CLCN3: variants seen among roughly 807,000 people sequenced by gnomAD.
CLCN3 encodes Cl-/H+ antiporter 3, also known as H(+)/Cl(-) exchange transporter 3.
A neutral mutation model predicts 83.4 loss-of-function variants in CLCN3; 16 were observed. That is an observed-to-expected ratio of 0.19 (90% CI 0.13 to 0.29). The LOEUF is 0.29. Among genes scored for constraint, CLCN3 ranks in the 10% least tolerant of loss-of-function variants. The pLI is 1.00. For missense variants in CLCN3, 544 were observed against 1,006.0 expected (o/e 0.54, Z 6.21); for synonymous variants, 322 against 346.2 (o/e 0.93, Z 0.78).
chr4:169,621,028 A>G lies in CLCN3; in HGVS notation c.-52A>G, dbSNP rs1181670720. 7.5e-6 allele frequency: 3 copies of G among 397,656 alleles called. No individual in the cohort carries two copies. The highest frequency in any genetic ancestry group is 6.2e-5 in the African/African-American group (3 of 48,714). 24.6% of individuals were successfully genotyped at this position (397,656 alleles called of 1,614,324 possible). On this transcript the variant is annotated 5_prime_UTR_variant, in exon 1 of 13. Coordinates refer to ENST00000513761, the MANE Select transcript of CLCN3 (RefSeq NM_001829.4). ...GCAGAATCCAAAGGCAGCGCAAAAA[A>G]CAGCCACCGATTTTGCTATGTCTCT...
chr4:169,700,843 CTTTAA>C (rs771318583), intron 9 of CLCN3, among the ~76,000 whole-genome samples: 144 of 152,224 alleles, frequency 9.5e-4, no homozygotes, highest in Middle Eastern at 3.4e-3. Context: ...AAAAGTAATA[CTTTAA>C]TTTAAAAATA....
Position 169,716,296 on chromosome 4 carries a change from A to C in CLCN3, c.2366+3001A>C, listed in dbSNP as rs531346714. 9.8e-5 allele frequency among the ~76,000 whole-genome samples: 15 copies of C among 152,302 alleles called. No homozygotes were observed. The South Asian group carries it at 3.1e-3, about 32-fold the overall frequency. On this transcript the variant is annotated intron_variant, in intron 12 of 12. Transcript: ENST00000513761. ...TACAGAGATTACTGTGTAAAATTCT[A>C]AATTTGCCACTGGGTCGTTATACAT...
chr4:169,713,356 A>G (rs189176914), intron 12 of CLCN3, 61 bp downstream of exon 12: 249 of 1,323,782 alleles, frequency 1.9e-4, no homozygotes, highest in Middle Eastern at 1.3e-3. Flanking sequence ...TTTTAGTGGA[A>G]TCTATATAGT....
chr4:169,679,304 A>G (rs368998347), intron 2 of CLCN3, among the ~76,000 whole-genome samples: 27 of 149,306 alleles, frequency 1.8e-4, no homozygotes, highest in East Asian at 8.1e-4. Context: ...GCGGCCGGGC[A>G]GAGACGCTCC....
chr4:169,707,553 G>A (rs1733040567), intron 11 of CLCN3, among the ~76,000 whole-genome samples: 1 of 152,070 alleles, frequency 6.6e-6, no homozygotes, highest in South Asian at 2.1e-4. Flanking sequence ...GTTGATCTTG[G>A]TTATTCAAAA....
At chr4:169,635,862 A>G in intron 1 of CLCN3, 51 bp from the exon 2 acceptor site, 2 of 1,417,982 alleles carry the variant, frequency 1.4e-6, no homozygotes, top group Non-Finnish European at 9.4e-7. Context: ...AAACTAGATG[A>G]TTTTTATTGT....
chr4:169,673,919 G>A (rs1057416619), intron 2 of CLCN3, among the ~76,000 whole-genome samples: 1 of 152,178 alleles, frequency 6.6e-6, no homozygotes, highest in Admixed American at 6.5e-5. Flanking sequence ...CAGACATGAC[G>A]TGCTTTTACT....
At chr4:169,682,891 G>A (rs1732000031) in intron 3 of CLCN3, among the ~76,000 whole-genome samples, 1 of 152,112 alleles carries the variant, frequency 6.6e-6, no homozygotes, top group Non-Finnish European at 1.5e-5. Context: ...CAGTGAAAAA[G>A]GCACATAATG....
intron 2 of CLCN3, among the ~76,000 whole-genome samples, chr4:169,654,969 A>G (rs1326653399): frequency 2.0e-5 from 3 of 152,148 alleles, no homozygotes; most frequent in Non-Finnish European, 4.4e-5. Flanking sequence ...ACATTTATCT[A>G]CTGCTTCTTG....
At position 169,620,617 on chromosome 4, in the gene CLCN3, A is replaced by G. The variant is rs1236017562; in HGVS notation, c.-463A>G. ...TGGGTCAGGGCCGGTCCGGTCCGGAACCTGCAGCCCCTTTCCCAGTGTTCT... is the reference window on the plus strand; with the variant it reads ...TGGGTCAGGGCCGGTCCGGTCCGGAGCCTGCAGCCCCTTTCCCAGTGTTCT... On this transcript the variant is annotated 5_prime_UTR_variant, in exon 1 of 13. Coordinates refer to ENST00000513761, the MANE Select transcript of CLCN3 (RefSeq NM_001829.4). The G allele has an allele frequency of 2.5e-6, 1 of 397,214 alleles. No homozygotes were observed. The highest frequency in any genetic ancestry group is 4.4e-6 in the Non-Finnish European group (1 of 225,758). The allele number at this position is 397,214 out of a possible 1,614,324, so 24.6% of individuals were successfully genotyped here. A position where few individuals can be genotyped will look rare whatever the true frequency, so the allele number is the denominator to read the frequency against.
intron 2 of CLCN3, among the ~76,000 whole-genome samples, chr4:169,649,607 C>G (rs1730677132): frequency 6.6e-6 from 1 of 152,182 alleles, no homozygotes; most frequent in Admixed American, 6.5e-5. Flanking sequence ...TTCTGTATTT[C>G]TAGCACATGC....
At chr4:169,624,609 T>C (rs1773186401) in intron 1 of CLCN3, among the ~76,000 whole-genome samples, 1 of 152,126 alleles carries the variant, frequency 6.6e-6, no homozygotes, top group Non-Finnish European at 1.5e-5. Context: ...ACAGCATCCC[T>C]CTTGAGGAAA....
chr4:169,671,148 G>C (rs185341862), intron 2 of CLCN3, among the ~76,000 whole-genome samples: 16 of 152,090 alleles, frequency 1.1e-4, no homozygotes, highest in Admixed American at 1.0e-3. Flanking sequence ...ACATGCACAC[G>C]TATGTTTATT....
chr4:169,647,543 A>G (rs564269846), intron 2 of CLCN3, among the ~76,000 whole-genome samples: 60 of 152,330 alleles, frequency 3.9e-4, no homozygotes, highest in African/African-American at 1.4e-3. Context: ...TCATAAAACA[A>G]AGGATGGGGG....
rs1317785587 is a variant in CLCN3, at chr4:169,723,602, G to GGTAA, written c.*3610_*3613dup. ...GCTAATAGAACTGCCAAAAGAGGGT[G>GGTAA]GTAAGTAACAACCTTTGATTAAGAT... On this transcript the variant is annotated 3_prime_UTR_variant, in exon 13 of 13. Transcript: ENST00000513761. The GGTAA allele has an allele frequency of 6.6e-6, 1 of 152,038 alleles. No individual in the cohort carries two copies. Among genetic ancestry groups the GGTAA allele is most frequent in the Non-Finnish European group, 1.5e-5 (1 of 68,016 alleles). The allele number at this position is 152,038 out of a possible 1,614,324, so 9.4% of individuals were successfully genotyped here. A position where few individuals can be genotyped will look rare whatever the true frequency, so the allele number is the denominator to read the frequency against.
intron 2 of CLCN3, among the ~76,000 whole-genome samples, chr4:169,666,590 A>C (rs1731253305): frequency 6.6e-6 from 1 of 152,216 alleles, no homozygotes; most frequent in African/African-American, 2.4e-5. Context: ...GATTGTATTT[A>C]TTGTCCAAAG....
At chr4:169,679,933 C>G in intron 2 of CLCN3, 117 bp from the exon 3 acceptor site, 1 of 791,160 alleles carries the variant, frequency 1.3e-6, no homozygotes, top group Middle Eastern at 3.6e-4. Flanking sequence ...GAGGTGGAGA[C>G]GAGGGAGAGG....
At position 169,717,744 on chromosome 4, in the gene CLCN3, TTTTAA is replaced by T. The variant is rs753078162; in HGVS notation, c.2367-2154_2367-2150del. The T allele has an allele frequency of 1.5e-5, 19 of 1,254,814 alleles. No individual in the cohort carries two copies. The Admixed American group carries it at 1.8e-4, about 12-fold the overall frequency. 77.7% of individuals were successfully genotyped at this position (1,254,814 alleles called of 1,614,324 possible). On this transcript the variant is annotated intron_variant, in intron 12 of 12. Transcript: ENST00000513761. The stretch of plus-strand genomic sequence containing the variant: ...TCTTTATCATTATGATTGGAAACTC[TTTTAA>T]TTTAATTTCTCACACAGTTATTAGC...
intron 1 of CLCN3, among the ~76,000 whole-genome samples, chr4:169,631,268 C>T (rs189272918): frequency 2.0e-5 from 3 of 152,108 alleles, no homozygotes; most frequent in Admixed American, 2.0e-4. Context: ...AGTATCTGTT[C>T]ATGTCCTTGC....
Sources: gnomAD v4.1 joint callset for allele counts (sites outside exome capture counted in the v4.1 genomes callset) on GRCh38, gnomAD v4.1.1 for gene constraint, MANE v1.5 for transcripts, NCBI Gene and HGNC (gene_info 2026-07-23, HGNC 2026-07-21) for gene names.